SDK1: variants seen among roughly 807,000 people sequenced by gnomAD.
The protein encoded by SDK1 is protein sidekick-1.
Under a neutral mutation model 245.5 loss-of-function variants are expected in SDK1, and 157 were observed. The ratio of observed to expected loss-of-function variants is 0.64; its 90% CI spans 0.56 to 0.73. The LOEUF (loss-of-function observed/expected upper bound fraction) is 0.73, where lower values mean the gene tolerates loss of function less well. Among genes scored for constraint, SDK1 ranks in the 30% least tolerant of loss-of-function variants. The pLI is 0.00. For synonymous variants in SDK1, 1,647 were observed against 1,278.5 expected (o/e 1.29, Z -6.15); for missense variants, 3,583 against 3,002.3 (o/e 1.19, Z -4.52).
chr7:3,557,451 A>C (rs1346412529), intron 1 of SDK1, among the ~76,000 whole-genome samples: 1 of 152,244 alleles, frequency 6.6e-6, no homozygotes. Flanking sequence ...GGCTATGGTC[A>C]CAAAAGAGCA....
chr7:3,572,923 T>G (rs967900159), intron 1 of SDK1, among the ~76,000 whole-genome samples: 1 of 151,814 alleles, frequency 6.6e-6, no homozygotes, highest in African/African-American at 2.4e-5. Context: ...GAAAAGTAAG[T>G]AGGAATTGAT....
At chr7:4,132,939 T>A (rs1220893828) in intron 28 of SDK1, among the ~76,000 whole-genome samples, 2 of 152,226 alleles carry the variant, frequency 1.3e-5, no homozygotes, top group Non-Finnish European at 1.5e-5. Flanking sequence ...ATTCACATTT[T>A]TTTAACGTGG....
intron 5 of SDK1, among the ~76,000 whole-genome samples, chr7:3,858,383 C>A (rs1184094305): frequency 6.6e-6 from 1 of 151,786 alleles, no homozygotes. Context: ...GAGACCCCAT[C>A]TCAAAAAAAC....
Position 3,951,762 on chromosome 7 carries a change from G to A in SDK1, c.992G>A (p.Arg331Lys), listed in dbSNP as rs1780850205. 6.2e-7 allele frequency: 1 copy of A among 1,613,834 alleles called. No individual in the cohort carries two copies. Among genetic ancestry groups the A allele is most frequent in the African/African-American group, 1.3e-5 (1 of 75,066 alleles). ...PVEDLSVTWKRNGVRITSGLH... is the reference protein window; with the variant it reads ...PVEDLSVTWKKNGVRITSGLH... Reference sequence around the variant, plus strand: ...GAGGACCTGAGTGTGACCTGGAAGAGGAATGGAGTGAGAATCACCAGTGGC... The same window carrying A: ...GAGGACCTGAGTGTGACCTGGAAGAAGAATGGAGTGAGAATCACCAGTGGC... The change falls in exon 7 of 45, where the codon AGG (arginine) becomes AAG (lysine). Residue 331 changes from arginine to lysine, a missense_variant. Coordinates refer to ENST00000404826, the MANE Select transcript of SDK1 (RefSeq NM_152744.4).
intron 4 of SDK1, among the ~76,000 whole-genome samples, chr7:3,658,583 G>C (rs149087956): frequency 1.4e-4 from 21 of 150,332 alleles, no homozygotes; most frequent in Non-Finnish European, 2.8e-4. Flanking sequence ...ATATTCACAC[G>C]GTAGTAGAGC....
intron 4 of SDK1, among the ~76,000 whole-genome samples, chr7:3,784,876 A>G (rs1319478164): frequency 6.6e-6 from 1 of 152,204 alleles, no homozygotes. Context: ...AAGATTTGAA[A>G]TCAGTGTGTT....
At chr7:3,843,581 A>G (rs1477634445) in intron 5 of SDK1, among the ~76,000 whole-genome samples, 1 of 152,132 alleles carries the variant, frequency 6.6e-6, no homozygotes, top group African/African-American at 2.4e-5. Context: ...TATGCTTTTG[A>G]TGGAAATTAA....
At chr7:4,027,315 A>G (rs1238513806) in intron 17 of SDK1, among the ~76,000 whole-genome samples, 5 of 152,210 alleles carry the variant, frequency 3.3e-5, no homozygotes. Flanking sequence ...AGAACTGGGC[A>G]TGTTAGAATA....
At chr7:3,702,788 G>GTCCA (rs892219322) in intron 4 of SDK1, among the ~76,000 whole-genome samples, 3 of 152,112 alleles carry the variant, frequency 2.0e-5, no homozygotes, top group Non-Finnish European at 2.9e-5. Flanking sequence ...TTTACTCATG[G>GTCCA]TACTCCTTGA....
chr7:4,098,824 CTTTTTTTTTTT>C lies in SDK1; in HGVS notation c.3325-11821_3325-11811del, dbSNP rs58678214. On this transcript the variant is annotated intron_variant, in intron 22 of 44. Transcript: ENST00000404826. ...GATTACAGGAGCACACCACAATGCC[CTTTTTTTTTTT>C]TTTTTTTTTTTTTTTTTGGCAGAGA... Among the ~76,000 whole-genome samples the C allele has an allele frequency of 5.6e-4, 46 of 82,862 alleles. 1 individual carries two copies. In the East Asian group the frequency reaches 9.9e-3, roughly 18 times the overall value. 54.4% of individuals were successfully genotyped at this position (82,862 alleles called of 152,430 possible).
chr7:3,616,378 C>T (rs1164345250), intron 1 of SDK1, among the ~76,000 whole-genome samples: 10 of 152,216 alleles, frequency 6.6e-5, no homozygotes, highest in African/African-American at 2.4e-4. Flanking sequence ...CTGCAAGGCC[C>T]TGCACAACCT....
chr7:3,488,888 C>T (rs913131675), intron 1 of SDK1, among the ~76,000 whole-genome samples: 3 of 149,046 alleles, frequency 2.0e-5, no homozygotes, highest in African/African-American at 7.4e-5. Flanking sequence ...TCTCTCTTTC[C>T]CTTCATTCCT....
intron 5 of SDK1, among the ~76,000 whole-genome samples, chr7:3,858,935 T>C (rs35503457): frequency 6.8e-6 from 1 of 147,874 alleles, no homozygotes; most frequent in Non-Finnish European, 1.5e-5. Flanking sequence ...TGATCTCGGC[T>C]CGCTGCAAGC....
intron 1 of SDK1, among the ~76,000 whole-genome samples, chr7:3,345,673 A>G (rs1780472717): frequency 6.6e-6 from 1 of 152,120 alleles, no homozygotes; most frequent in Non-Finnish European, 1.5e-5. Flanking sequence ...GCACGGCTGA[A>G]AAGACTCCTC....
At chr7:3,471,258 T>A (rs377197854) in intron 1 of SDK1, among the ~76,000 whole-genome samples, 1 of 152,164 alleles carries the variant, frequency 6.6e-6, no homozygotes, top group Non-Finnish European at 1.5e-5. Context: ...CATTTTCTTA[T>A]AATTGGTTTG....
At chr7:3,503,728 T>C (rs1442403770) in intron 1 of SDK1, among the ~76,000 whole-genome samples, 3 of 152,048 alleles carry the variant, frequency 2.0e-5, no homozygotes, top group Non-Finnish European at 2.9e-5. Flanking sequence ...AAGAATGATA[T>C]ACTTAAGAGT....
intron 4 of SDK1, among the ~76,000 whole-genome samples, chr7:3,803,406 A>G (rs1446537979): frequency 6.6e-6 from 1 of 150,972 alleles, no homozygotes; most frequent in Admixed American, 6.6e-5. Context: ...CACCTCTGAA[A>G]TTCAAGCAAT....
intron 1 of SDK1, among the ~76,000 whole-genome samples, chr7:3,389,684 G>C (rs910481865): frequency 1.3e-5 from 2 of 152,196 alleles, no homozygotes; most frequent in South Asian, 2.1e-4. Context: ...GGAATTGCTT[G>C]AGCCTGGGAG....
chr7:4,164,576 C>T (rs1053843607), intron 32 of SDK1, among the ~76,000 whole-genome samples: 2 of 152,256 alleles, frequency 1.3e-5, no homozygotes, highest in Non-Finnish European at 2.9e-5. Context: ...AGAAAATTCA[C>T]ATTTTCTTTG....
Sources: allele counts gnomAD v4.1 joint callset (sites outside exome capture counted in the v4.1 genomes callset), GRCh38; gene constraint gnomAD v4.1.1; transcripts MANE v1.5; gene names NCBI Gene and HGNC (gene_info 2026-07-23, HGNC 2026-07-21).